Variants in D2HGDH observed in about 807,000 individuals in gnomAD.
The protein encoded by D2HGDH is D-2-hydroxyglutarate dehydrogenase.
Under a neutral mutation model 46.9 loss-of-function variants are expected in D2HGDH, and 31 were observed. That is an observed-to-expected ratio of 0.66 (90% CI 0.50 to 0.89). D2HGDH has a LOEUF of 0.89. Among genes scored for constraint, D2HGDH ranks in the 40% least tolerant of loss-of-function variants. The pLI, the probability that D2HGDH is intolerant of heterozygous loss-of-function variation, is 0.00. For missense variants in D2HGDH, 698 were observed against 720.8 expected, an observed-to-expected ratio of 0.97 and a Z score of 0.36; for synonymous variants, 364 against 332.6, an observed-to-expected ratio of 1.09 and a Z score of -1.03.
At chr2:241,761,978 C>T (rs1698864811) in intron 9 of D2HGDH, among the ~76,000 whole-genome samples, 4 of 151,956 alleles carry the variant, frequency 2.6e-5, no homozygotes, top group African/African-American at 9.7e-5. Flanking sequence ...CTGATGTCTG[C>T]TGGTGCGGAG....
chr2:241,734,785 C>A (rs937411649), intron 1 of D2HGDH, 90 bp downstream of exon 1: 3 of 160,626 alleles, frequency 1.9e-5, no homozygotes, highest in African/African-American at 7.2e-5. Flanking sequence ...CGATCTCGGG[C>A]GCCGTCAGCC....
chr2:241,745,851 T>A (rs1294525703), intron 6 of D2HGDH, among the ~76,000 whole-genome samples: 1 of 152,184 alleles, frequency 6.6e-6, no homozygotes, highest in Non-Finnish European at 1.5e-5. Context: ...GGCTGTTGTT[T>A]GTTTTCTTTT....
In D2HGDH at chr2:241,767,809, A is replaced by G. The variant is rs1452543779; in HGVS notation, c.1406A>G (p.Gln469Arg). 6.2e-7 allele frequency: 1 copy of G among 1,612,120 alleles called. No homozygotes were observed. Among genetic ancestry groups the G allele is most frequent in the East Asian group, 2.2e-5 (1 of 44,884 alleles). Residue 469 changes from glutamine to arginine, a missense_variant, in exon 10 of 10, where the codon CAG becomes CGG. Physicochemically the swap from Gln to Arg is conservative, Grantham distance 43. Transcript: ENST00000321264. ...PHVYEWTAGQ[Q>R]GSVSAEHGVG... ...GTGTACGAGTGGACGGCCGGGCAGC[A>G]GGGCAGCGTCAGCGCGGAGCACGGA...
intron 8 of D2HGDH, chr2:241,755,417 C>T (rs1038994216): frequency 6.9e-6 from 9 of 1,307,398 alleles, no homozygotes; most frequent in Admixed American, 2.3e-5. Context: ...GGCCCATTCT[C>T]ATCCTCAGGG....
intron 8 of D2HGDH, chr2:241,755,622 C>G (rs1319352685): frequency 4.6e-6 from 7 of 1,525,770 alleles, no homozygotes; most frequent in Non-Finnish European, 6.2e-6. Context: ...TGGAGCCACA[C>G]CTGGTCTGGG....
Position 241,750,288 on chromosome 2 carries a change from G to C in D2HGDH, c.991G>C (p.Val331Leu). 6.2e-7 allele frequency: 1 copy of C among 1,612,632 alleles called. No homozygotes were observed. Among genetic ancestry groups the C allele is most frequent in the African/African-American group, 1.3e-5 (1 of 74,910 alleles). ...GCGCCATCTCCACCTGGCCAGCCCGGTGCAAGGTACTGACCCCCCACACAG... is the reference window on the plus strand; with the variant it reads ...GCGCCATCTCCACCTGGCCAGCCCGCTGCAAGGTACTGACCCCCCACACAG... ...VGRHLHLASP[V>L]QESPFYVLIE... The change falls in exon 7 of 10, where the codon GTG becomes CTG. Residue 331 changes from valine (V) to leucine (L), a missense_variant. Val to Leu is a conservative substitution (Grantham distance 32). Transcript: ENST00000321264.
intron 9 of D2HGDH, among the ~76,000 whole-genome samples, chr2:241,764,908 C>G (rs1001551689): frequency 6.6e-6 from 1 of 152,212 alleles, no homozygotes; most frequent in Non-Finnish European, 1.5e-5. Context: ...TTCTCTGAGC[C>G]GTCGCCTTCT....
chr2:241,741,269 A>T (rs925775090), intron 3 of D2HGDH, among the ~76,000 whole-genome samples, 179 bp downstream of exon 3: 7 of 152,132 alleles, frequency 4.6e-5, no homozygotes, highest in African/African-American at 1.4e-4. Context: ...TGTGGTGTGT[A>T]ATCATTTCCC....
intron 6 of D2HGDH, among the ~76,000 whole-genome samples, chr2:241,745,729 T>C (rs1185165006): frequency 6.6e-6 from 1 of 152,236 alleles, no homozygotes; most frequent in Non-Finnish European, 1.5e-5. Flanking sequence ...TCCTCGTTCA[T>C]TTCCTGCAGT....
At chr2:241,751,709 G>T (rs957260238) in intron 8 of D2HGDH, among the ~76,000 whole-genome samples, 1 of 152,248 alleles carries the variant, frequency 6.6e-6, no homozygotes, top group African/African-American at 2.4e-5. Context: ...CGGCAGCTCC[G>T]CATAGAGTCG....
In D2HGDH at chr2:241,741,026, G is replaced by A. The variant is rs762019061; in HGVS notation, c.293-7G>A. On this transcript the variant is annotated splice_region_variant and splice_polypyrimidine_tract_variant and intron_variant, in intron 2 of 9. Transcript: ENST00000321264. ...CGCTGTCTCATAGGATCTTCTTCCT[G>A]TCACAGGCTGTAGCAAGGTGCTGCT... 6.2e-7 allele frequency: 1 copy of A among 1,613,682 alleles called. No individual in the cohort carries two copies. The highest frequency in any genetic ancestry group is 8.5e-7 in the Non-Finnish European group (1 of 1,179,770).
rs1462515541 is a variant in D2HGDH, at chr2:241,742,647, G to A, written c.490+73G>A. ...GTGGAGTTCTTCCTTGCCAGCGTCT[G>A]CAACTGTGGGGTGCTTGGGTGGGTG... is the stretch of plus-strand genomic sequence containing the variant. On this transcript the variant is annotated intron_variant, in intron 4 of 9. Transcript: ENST00000321264. The surrounding 1 kb of genome is among the most constrained non-coding windows in gnomAD (Gnocchi z 4.8). 4 of 1,588,278 alleles carry A rather than the reference G, an allele frequency of 2.5e-6. No individual in the cohort carries two copies. In the African/African-American group the frequency reaches 4.0e-5, roughly 16 times the overall value.
chr2:241,737,845 T>C (rs2125026402), intron 2 of D2HGDH, among the ~76,000 whole-genome samples: 1 of 152,332 alleles, frequency 6.6e-6, no homozygotes, highest in East Asian at 1.9e-4. Flanking sequence ...TTTAAACCTG[T>C]GGAACTGGCA....
At chr2:241,738,966 A>C (rs1365529314) in intron 2 of D2HGDH, among the ~76,000 whole-genome samples, 1 of 152,270 alleles carries the variant, frequency 6.6e-6, no homozygotes, top group African/African-American at 2.4e-5. Context: ...ATTAAGCATC[A>C]TATTCAAAAA....
Position 241,742,687 on chromosome 2 carries a change from G to A in D2HGDH, c.490+113G>A, listed in dbSNP as rs1258493416. ...TTGGGTGGGTGAATGAGTTAGGGCC[G>A]GCGCTGGGGAAAGAACCAGCGTCTG... On this transcript the variant is annotated intron_variant, in intron 4 of 9. Transcript: ENST00000321264. This position sits in a 1 kb window ranked among gnomAD's most constrained non-coding sequence, Gnocchi z 4.8. The A allele has an allele frequency of 1.2e-5, 16 of 1,388,572 alleles. No individual in the cohort carries two copies. Among genetic ancestry groups the A allele is most frequent in the Non-Finnish European group, 1.6e-5 (16 of 982,970 alleles). The allele number at this position is 1,388,572 out of a possible 1,614,324, so 86.0% of individuals were successfully genotyped here. A position where few individuals can be genotyped will look rare whatever the true frequency, so the allele number is the denominator to read the frequency against.
At chr2:241,745,934 G>C (rs1170852211) in intron 6 of D2HGDH, among the ~76,000 whole-genome samples, 1 of 152,172 alleles carries the variant, frequency 6.6e-6, no homozygotes, top group East Asian at 1.9e-4. Context: ...GGTAGCTGCT[G>C]CTGTGAAGGG....
chr2:241,744,873 C>T lies in D2HGDH; in HGVS notation c.849C>T (p.Phe283=). ...PPKPRAVNVA[F]LGCPGFAEVL... ...AGCCCAGGGCTGTGAACGTGGCTTT[C>T]CTCGGTGGGCTTCCTCGATGTGTGC... is the stretch of plus-strand genomic sequence containing the variant. The change falls in exon 6 of 10, where the codon TTC becomes TTT. Residue 283 remains phenylalanine (F), a synonymous_variant. Transcript: ENST00000321264. The T allele has an allele frequency of 6.2e-7, 1 of 1,614,086 alleles. No individual in the cohort carries two copies. The highest frequency in any genetic ancestry group is 2.2e-5 in the East Asian group (1 of 44,880).
chr2:241,738,902 C>G (rs950085484), intron 2 of D2HGDH, among the ~76,000 whole-genome samples: 1 of 152,238 alleles, frequency 6.6e-6, no homozygotes, highest in African/African-American at 2.4e-5. Flanking sequence ...GGTGAATTAT[C>G]CCTTCATGTG....
chr2:241,736,670 C>CTTTTTTTTTTTT (rs768906916), intron 2 of D2HGDH, among the ~76,000 whole-genome samples: 1 of 147,400 alleles, frequency 6.8e-6, no homozygotes. Flanking sequence ...ACCGTTTATC[C>CTTTTTTTTTTTT]GTTTTTTTTT....
Sources: allele counts gnomAD v4.1 joint callset (sites outside exome capture counted in the v4.1 genomes callset), GRCh38; gene constraint gnomAD v4.1.1; non-coding constraint Gnocchi (gnomAD v3.1); transcripts MANE v1.5; gene names NCBI Gene and HGNC (gene_info 2026-07-23, HGNC 2026-07-21).